COL28A1: variants seen among roughly 807,000 people sequenced by gnomAD.
COL28A1 encodes the protein collagen type XXVIII alpha 1 chain.
A neutral mutation model predicts 150.2 loss-of-function variants in COL28A1; 161 were observed. The ratio of observed to expected loss-of-function variants is 1.07; its 90% confidence interval spans 0.94 to 1.22. The LOEUF is 1.22. Among genes scored for constraint, COL28A1 ranks in the 50% most tolerant of loss-of-function variants. The pLI is 0.00. For synonymous variants in COL28A1, 552 were observed against 469.7 expected (o/e 1.18, Z -2.26); for missense variants, 1,617 against 1,388.3 (o/e 1.16, Z -2.62).
At chr7:7,428,381 A>C (rs1784759802) in intron 25 of COL28A1, among the ~76,000 whole-genome samples, 1 of 152,152 alleles carries the variant, frequency 6.6e-6, no homozygotes, top group Non-Finnish European at 1.5e-5. Flanking sequence ...GGTAGGCTGT[A>C]CCTGCCCTTA....
intron 27 of COL28A1, among the ~76,000 whole-genome samples, chr7:7,417,083 T>C (rs1784122741): frequency 6.6e-6 from 1 of 151,954 alleles, no homozygotes. Flanking sequence ...AGTGAACCGA[T>C]AAGAACAACA....
At chr7:7,515,899 G>T in intron 7 of COL28A1, 59 bp from the exon 8 acceptor site, 5 of 801,766 alleles carry the variant, frequency 6.2e-6, no homozygotes, top group Non-Finnish European at 1.1e-5. Flanking sequence ...ATTAGAATAA[G>T]GATTAGGTAT....
chr7:7,352,552 T>G (rs1780255421), downstream of COL28A1, among the ~76,000 whole-genome samples: 1 of 152,144 alleles, frequency 6.6e-6, no homozygotes, highest in South Asian at 2.1e-4. Flanking sequence ...TGGCAGAATG[T>G]GAAGGACCCA....
chr7:7,428,080 C>G (rs1413817992), intron 25 of COL28A1, among the ~76,000 whole-genome samples: 1 of 152,150 alleles, frequency 6.6e-6, no homozygotes, highest in Non-Finnish European at 1.5e-5. Flanking sequence ...AACAGGGGGA[C>G]TGTTAAAAAT....
At chr7:7,393,383 T>C (rs1353548433) in intron 27 of COL28A1, among the ~76,000 whole-genome samples, 3 of 152,080 alleles carry the variant, frequency 2.0e-5, no homozygotes, top group Non-Finnish European at 4.4e-5. Context: ...CTCTCCTGTA[T>C]GAGATGTCTG....
At chr7:7,529,068 G>C (rs1031863732) in intron 3 of COL28A1, among the ~76,000 whole-genome samples, 2 of 151,908 alleles carry the variant, frequency 1.3e-5, no homozygotes, top group African/African-American at 4.8e-5. Context: ...TTGGGAGGCC[G>C]AGGCGGGCAG....
the COL28A1 span, among the ~76,000 whole-genome samples, chr7:7,338,299 A>G: frequency 2.0e-5 from 3 of 152,064 alleles, no homozygotes; most frequent in Non-Finnish European, 4.4e-5. Flanking sequence ...TGGTCGTTTT[A>G]GCAATATTAA....
intron 3 of COL28A1, 49 bp downstream of exon 3, chr7:7,531,299 A>G: frequency 1.3e-6 from 1 of 742,914 alleles, no homozygotes; most frequent in Non-Finnish European, 2.2e-6. Context: ...TACAACAAAT[A>G]TGTCAATATT....
At chr7:7,410,597 C>CTA (rs1783727332) in intron 27 of COL28A1, among the ~76,000 whole-genome samples, 1 of 151,262 alleles carries the variant, frequency 6.6e-6, no homozygotes, top group African/African-American at 2.4e-5. Context: ...GTGTGTTCAA[C>CTA]TTGAATGCAG....
chr7:7,457,901 G>A (rs1039371282), intron 15 of COL28A1, among the ~76,000 whole-genome samples: 7 of 152,256 alleles, frequency 4.6e-5, no homozygotes, highest in South Asian at 2.1e-4. Flanking sequence ...CATTAGGGCC[G>A]CAAAACTTTT....
chr7:7,452,309 G>A lies in COL28A1; in HGVS notation c.1509+10C>T, dbSNP rs968358421. ...AGTATCATATCACTTCTGAGCAGCAGTCAACTCACCTTTGGACCTTGTACT... is the reference window on the plus strand; with the variant it reads ...AGTATCATATCACTTCTGAGCAGCAATCAACTCACCTTTGGACCTTGTACT... On this transcript the variant is annotated intron_variant, in intron 18 of 34. Coordinates refer to ENST00000399429, the MANE Select transcript of COL28A1 (RefSeq NM_001037763.3). The A allele has an allele frequency of 8.7e-6, 14 of 1,600,194 alleles. No individual in the cohort carries two copies. The highest frequency in any genetic ancestry group is 1.2e-5 in the Non-Finnish European group (14 of 1,176,892).
rs34289231 is a variant in COL28A1 at position 7,368,389 on chromosome 7, G to GTTT, written c.3066+2333_3066+2335dup. On this transcript the variant is annotated intron_variant, in intron 33 of 34. Transcript: ENST00000399429. Reference sequence around the variant, plus strand: ...ACTTTAAAGACTCCCTTTGCCTACTGTTTTTTTTGTTTTTTGCTAGGAATA... The same window carrying GTTT: ...ACTTTAAAGACTCCCTTTGCCTACTGTTTTTTTTTTTGTTTTTTGCTAGGAATA... Among the ~76,000 whole-genome samples the GTTT allele has an allele frequency of 6.4e-3, 967 of 150,126 alleles. 9 individuals are homozygous for GTTT. Among genetic ancestry groups the GTTT allele is most frequent in the African/African-American group, 0.018 (709 of 40,312 alleles).
chr7:7,513,133 G>C (rs949787971), intron 8 of COL28A1, among the ~76,000 whole-genome samples: 3 of 152,210 alleles, frequency 2.0e-5, no homozygotes, highest in Non-Finnish European at 4.4e-5. Flanking sequence ...AGTGCTCTAT[G>C]GAGGGAAATC....
chr7:7,422,800 G>A (rs115938873), intron 25 of COL28A1, among the ~76,000 whole-genome samples: 1,650 of 152,158 alleles, frequency 0.011, 43 homozygotes, highest in African/African-American at 0.038. Context: ...AGTTCCTGCC[G>A]GCTATTACTA....
At position 7,373,121 on chromosome 7, in the gene COL28A1, T is replaced by C; in HGVS notation, c.2785A>G (p.Ile929Val). 6.2e-7 allele frequency: 1 copy of C among 1,614,182 alleles called. No homozygotes were observed. Among genetic ancestry groups the C allele is most frequent in the Non-Finnish European group, 8.5e-7 (1 of 1,180,024 alleles). Residue 929 changes from isoleucine (I) to valine (V), a missense_variant, in exon 32 of 35, where the codon ATA (isoleucine) becomes GTA (valine). Transcript: ENST00000399429. This position sits in a 1 kb window ranked among gnomAD's most constrained non-coding sequence, Gnocchi z 4.1. Reference sequence around the variant, plus strand: ...TTCTTCACCACCCCTATCACAAATATCTCCACATTGGTGTCACTGGCATTC... The same window carrying C: ...TTCTTCACCACCCCTATCACAAATACCTCCACATTGGTGTCACTGGCATTC... ...VKNASDTNVE[I>V]FVIGVVKKND... is the part of the protein sequence containing the mutation.
Position 7,427,964 on chromosome 7 carries a change from T to A in COL28A1, c.1998+4509A>T, listed in dbSNP as rs115066760. Among the ~76,000 whole-genome samples the A allele has an allele frequency of 5.2e-3, 792 of 152,260 alleles. 8 individuals carry two copies. The highest frequency in any genetic ancestry group is 0.018 in the African/African-American group (765 of 41,536). On this transcript the variant is annotated intron_variant, in intron 25 of 34. Transcript: ENST00000399429. ...ATTTAGTTTTTCATTCATTCATCCA[T>A]ATCCATAGCCCCTCTCATATACAAA... is the stretch of plus-strand genomic sequence containing the variant.
chr7:7,367,954 C>G (rs1033705463), intron 33 of COL28A1, among the ~76,000 whole-genome samples: 1 of 152,016 alleles, frequency 6.6e-6, no homozygotes, highest in Non-Finnish European at 1.5e-5. Flanking sequence ...CTTTCAATCA[C>G]TATATCCTGT....
chr7:7,505,079 G>A (rs950269713), intron 11 of COL28A1, among the ~76,000 whole-genome samples: 1 of 152,172 alleles, frequency 6.6e-6, no homozygotes, highest in Non-Finnish European at 1.5e-5. Flanking sequence ...CTGCTGAGAA[G>A]CCCATTCTAT....
intron 27 of COL28A1, among the ~76,000 whole-genome samples, chr7:7,400,188 T>A (rs1394281797): frequency 6.6e-6 from 1 of 152,192 alleles, no homozygotes; most frequent in African/African-American, 2.4e-5. Flanking sequence ...CAGGTCCCCA[T>A]CCCTGGAACC....
Sources: gnomAD v4.1 joint callset for allele counts (sites outside exome capture counted in the v4.1 genomes callset) on GRCh38, gnomAD v4.1.1 for gene constraint, Gnocchi (gnomAD v3.1) non-coding constraint, MANE v1.5 for transcripts, NCBI Gene and HGNC (gene_info 2026-07-23, HGNC 2026-07-21) for gene names.